NXPE4: variants seen among roughly 807,000 people sequenced by gnomAD.
NXPE4 encodes neurexophilin and PC-esterase domain family member 4, also known as NXPE family member 4.
A neutral mutation model predicts 33.3 loss-of-function variants in NXPE4; 42 were observed. The observed-to-expected ratio is 1.26, with a 90% CI of 0.98 to 1.63. The LOEUF (loss-of-function observed/expected upper bound fraction) is 1.63, where lower values mean the gene tolerates loss of function less well. Ranked by LOEUF, NXPE4 falls within the 40% of genes most tolerant of loss-of-function variation. NXPE4 has a pLI of 0.00. For missense variants in NXPE4, 709 were observed against 647.6 expected (o/e 1.09, Z -1.03); for synonymous variants, 253 against 234.9 (o/e 1.08, Z -0.71).
the NXPE4 span, among the ~76,000 whole-genome samples, chr11:114,670,681 G>C: frequency 2.6e-5 from 4 of 152,076 alleles, no homozygotes; most frequent in Admixed American, 2.6e-4. Context: ...AACAGAGTGA[G>C]ACTGTGTCTC....
the NXPE4 span, among the ~76,000 whole-genome samples, chr11:114,645,265 C>T: frequency 1.3e-5 from 2 of 152,210 alleles, no homozygotes; most frequent in Admixed American, 6.5e-5. Flanking sequence ...CATGTCACTG[C>T]ACTCCAGCCT....
chr11:114,595,173 A>G (rs1021603990), intron 1 of NXPE4, among the ~76,000 whole-genome samples: 2 of 152,194 alleles, frequency 1.3e-5, no homozygotes, highest in Non-Finnish European at 2.9e-5. Flanking sequence ...CCACATCATT[A>G]CAGTGCCTGT....
chr11:114,667,955 C>T, the NXPE4 span, among the ~76,000 whole-genome samples: 3 of 151,748 alleles, frequency 2.0e-5, no homozygotes, highest in Non-Finnish European at 4.4e-5. Flanking sequence ...AACTAATACA[C>T]AGAGGATACA....
At chr11:114,614,325 G>A in the NXPE4 span, among the ~76,000 whole-genome samples, 2 of 144,880 alleles carry the variant, frequency 1.4e-5, no homozygotes, top group African/African-American at 5.2e-5. Flanking sequence ...AGGTAACCAC[G>A]GTTACCTGAT....
Position 114,582,483 on chromosome 11 carries a change from G to A in NXPE4, c.635C>T (p.Thr212Ile), listed in dbSNP as rs527329057. The change falls in exon 3 of 6, where the codon ACT becomes ATT. Residue 212 changes from threonine (T) to isoleucine (I), a missense_variant. Thr to Ile is a moderately conservative substitution (Grantham distance 89). Transcript: ENST00000375478. ...VIFTGQFVNG[T>I]SQVHSECGLI... ...GCCACATTCAGAGTGGACTTGGGAA[G>A]TGCCATTGACAAACTGGCCAGTGAA... The A allele has an allele frequency of 1.9e-6, 3 of 1,614,130 alleles. No individual in the cohort carries two copies. The highest frequency in any genetic ancestry group is 2.2e-5 in the South Asian group (2 of 91,082).
chr11:114,645,888 A>T, the NXPE4 span, among the ~76,000 whole-genome samples: 1 of 152,182 alleles, frequency 6.6e-6, no homozygotes, highest in Non-Finnish European at 1.5e-5. Flanking sequence ...TATTTGGCAT[A>T]ATGGGCTCTT....
the NXPE4 span, among the ~76,000 whole-genome samples, chr11:114,634,391 G>A: frequency 2.6e-5 from 4 of 151,872 alleles, no homozygotes; most frequent in East Asian, 1.9e-4. Context: ...AGGTTGTGAA[G>A]ATTTTCTCCC....
chr11:114,599,764 G>A (rs1949616835), upstream of NXPE4, among the ~76,000 whole-genome samples: 1 of 152,080 alleles, frequency 6.6e-6, no homozygotes, highest in Non-Finnish European at 1.5e-5. Context: ...TCACTATACA[G>A]TACCAGTGGG....
chr11:114,625,518 A>T, the NXPE4 span, among the ~76,000 whole-genome samples: 1 of 152,150 alleles, frequency 6.6e-6, no homozygotes, highest in East Asian at 1.9e-4. Context: ...TACCAGGTGG[A>T]TAATAAGTAT....
At chr11:114,634,391 G>C in the NXPE4 span, among the ~76,000 whole-genome samples, 1 of 151,872 alleles carries the variant, frequency 6.6e-6, no homozygotes, top group Non-Finnish European at 1.5e-5. Context: ...AGGTTGTGAA[G>C]ATTTTCTCCC....
At chr11:114,630,041 A>T in the NXPE4 span, among the ~76,000 whole-genome samples, 1 of 151,516 alleles carries the variant, frequency 6.6e-6, no homozygotes, top group Non-Finnish European at 1.5e-5. Flanking sequence ...CAAATGGAAG[A>T]ACATTCCATG....
the NXPE4 span, among the ~76,000 whole-genome samples, chr11:114,648,135 A>G: frequency 5.3e-5 from 8 of 152,254 alleles, no homozygotes; most frequent in East Asian, 1.9e-4. Context: ...TGATAGGAGT[A>G]TCTTTGCCTA....
chr11:114,630,015 TAA>T, the NXPE4 span, among the ~76,000 whole-genome samples: 1 of 150,196 alleles, frequency 6.7e-6, no homozygotes, highest in Non-Finnish European at 1.5e-5. Context: ...CTCAAGGAAA[TAA>T]AAGAGGATAC....
the NXPE4 span, among the ~76,000 whole-genome samples, chr11:114,620,864 C>T: frequency 4.4e-4 from 67 of 152,026 alleles, no homozygotes; most frequent in African/African-American, 1.6e-3. Context: ...CACTGTTACC[C>T]GATGGATAAT....
At chr11:114,633,384 TATTA>T in the NXPE4 span, among the ~76,000 whole-genome samples, 1 of 144,162 alleles carries the variant, frequency 6.9e-6, no homozygotes, top group Admixed American at 7.2e-5. Flanking sequence ...TTATGTATTA[TATTA>T]TATATTATAT....
chr11:114,627,984 T>G, the NXPE4 span, among the ~76,000 whole-genome samples: 1 of 151,850 alleles, frequency 6.6e-6, no homozygotes, highest in African/African-American at 2.4e-5. Context: ...CCTAAATATA[T>G]ATGGACCCAA....
At chr11:114,671,297 G>A in the NXPE4 span, among the ~76,000 whole-genome samples, 2 of 148,534 alleles carry the variant, frequency 1.3e-5, no homozygotes, top group Non-Finnish European at 3.0e-5. Context: ...GAGAAATACG[G>A]TACAAATTTA....
At chr11:114,668,533 A>G in the NXPE4 span, among the ~76,000 whole-genome samples, 1 of 152,112 alleles carries the variant, frequency 6.6e-6, no homozygotes, top group Non-Finnish European at 1.5e-5. Flanking sequence ...AAGGAACCTC[A>G]GCCTTCTCTA....
the NXPE4 span, among the ~76,000 whole-genome samples, chr11:114,611,112 G>A: frequency 6.6e-6 from 1 of 151,658 alleles, no homozygotes; most frequent in African/African-American, 2.4e-5. Context: ...GGAAACCAGT[G>A]GATAGTTAGT....
Sources: gnomAD v4.1 joint callset for allele counts (sites outside exome capture counted in the v4.1 genomes callset) on GRCh38, gnomAD v4.1.1 for gene constraint, MANE v1.5 for transcripts, NCBI Gene and HGNC (gene_info 2026-07-23, HGNC 2026-07-21) for gene names.